The following NXN variants were observed in gnomAD, a reference collection of about 807,000 sequenced individuals.
The protein encoded by NXN is nucleoredoxin 1.
NXN carries 16 observed loss-of-function variants against 48.6 expected under a neutral mutation model. That is an observed-to-expected ratio of 0.33 (90% confidence interval 0.22 to 0.50). The LOEUF (loss-of-function observed/expected upper bound fraction) is 0.50, where lower values mean the gene tolerates loss of function less well. Ranked by LOEUF, NXN falls within the 20% of genes least tolerant of loss-of-function variation. NXN has a pLI of 0.98. For missense variants in NXN, 492 were observed against 605.5 expected, an observed-to-expected ratio of 0.81 and a Z score of 1.97; for synonymous variants, 281 against 269.6, an observed-to-expected ratio of 1.04 and a Z score of -0.41.
In NXN at chr17:919,245, C is replaced by T. The variant is rs1051299790; in HGVS notation, c.360+60074G>A. On this transcript the variant is annotated intron_variant, in intron 1 of 7. Transcript: ENST00000336868. This position sits in a 1 kb window ranked among gnomAD's most constrained non-coding sequence, Gnocchi z 5.1. ...GGGCGTCATGGCGGGCACCTGTAGT[C>T]CCAGTTCCTTGGGAGGCTGAAGCAG... 6.6e-6 allele frequency among the ~76,000 whole-genome samples: 1 copy of T among 151,986 alleles called. No individual in the cohort carries two copies. Among genetic ancestry groups the T allele is most frequent in the African/African-American group, 2.4e-5 (1 of 41,366 alleles).
intron 1 of NXN, among the ~76,000 whole-genome samples, chr17:856,108 G>A (rs958231708): frequency 2.0e-5 from 3 of 151,986 alleles, no homozygotes; most frequent in Non-Finnish European, 4.4e-5. Flanking sequence ...CAGGAGAATC[G>A]CTTGAACCCG....
chr17:944,553 T>C (rs916479283), intron 1 of NXN, among the ~76,000 whole-genome samples: 4 of 152,254 alleles, frequency 2.6e-5, no homozygotes, highest in Non-Finnish European at 5.9e-5. Flanking sequence ...TCTGTTTGTT[T>C]ATTTGTGGCA....
chr17:838,123 CTTCTTT>C (rs1913929297), intron 1 of NXN, among the ~76,000 whole-genome samples: 1 of 125,986 alleles, frequency 7.9e-6, no homozygotes, highest in East Asian at 2.9e-4. Flanking sequence ...TTTTCCTTTC[CTTCTTT>C]TTTTTTTTTT....
At position 979,517 on chromosome 17, in the gene NXN, G is replaced by A. The variant is rs1382144384; in HGVS notation, c.162C>T (p.Ala54=). Residue 54 remains alanine, a synonymous_variant, in exon 1 of 8, where the codon GCC becomes GCT. Coordinates refer to ENST00000336868, the MANE Select transcript of NXN (RefSeq NM_022463.5). ...APCAQLSASL[A]AFYGRLRGDA... is the part of the protein sequence containing the mutation. ...CCCCCCGCAGGCGCCCGTAGAAGGC[G>A]GCCAGGCTGGCGCTGAGCTGCGCGC... 3.2e-6 allele frequency: 4 copies of A among 1,261,374 alleles called. No homozygotes were observed. Among genetic ancestry groups the A allele is most frequent in the Non-Finnish European group, 2.0e-6 (2 of 998,152 alleles). 78.1% of individuals were successfully genotyped at this position (1,261,374 alleles called of 1,614,324 possible).
chr17:922,307 C>T (rs938913751), intron 1 of NXN, among the ~76,000 whole-genome samples: 9 of 151,840 alleles, frequency 5.9e-5, no homozygotes, highest in African/African-American at 1.7e-4. Context: ...GGTGTGGTGG[C>T]GGGCACCTGT....
intron 1 of NXN, among the ~76,000 whole-genome samples, chr17:896,165 C>A (rs7221840): frequency 0.23 from 35,254 of 151,594 alleles, 4,516 homozygotes; most frequent in Middle Eastern, 0.37. Flanking sequence ...ATGGAGAAAC[C>A]CTGTCCCTAC....
intron 5 of NXN, among the ~76,000 whole-genome samples, chr17:818,051 G>C (rs978030076): frequency 1.3e-5 from 2 of 152,112 alleles, no homozygotes; most frequent in Non-Finnish European, 2.9e-5. Flanking sequence ...TTGAGCCCAT[G>C]AGTTCGAGAC....
At chr17:827,852 G>A (rs1431012570) in intron 1 of NXN, among the ~76,000 whole-genome samples, 3 of 152,160 alleles carry the variant, frequency 2.0e-5, no homozygotes, top group Non-Finnish European at 4.4e-5. Flanking sequence ...AGAGGGCATT[G>A]GTGGTGGGAT....
intron 1 of NXN, among the ~76,000 whole-genome samples, chr17:926,621 C>A (rs1435346401): frequency 1.3e-5 from 2 of 151,722 alleles, no homozygotes; most frequent in Non-Finnish European, 2.9e-5. Context: ...TCTCGGCTCA[C>A]CACAGCCTCT....
intron 1 of NXN, among the ~76,000 whole-genome samples, chr17:904,378 A>G (rs1221619148): frequency 1.3e-5 from 2 of 152,176 alleles, no homozygotes; most frequent in East Asian, 3.9e-4. Context: ...AAGGACGCAC[A>G]CGTCGGAAAA....
chr17:828,469 T>G (rs946655648), intron 1 of NXN, among the ~76,000 whole-genome samples: 2 of 148,498 alleles, frequency 1.3e-5, no homozygotes, highest in African/African-American at 5.0e-5. Flanking sequence ...TGGTGTGATC[T>G]AGGCTCACTG....
At chr17:863,436 G>T in intron 1 of NXN, among the ~76,000 whole-genome samples, 1 of 152,096 alleles carries the variant, frequency 6.6e-6, no homozygotes, top group Non-Finnish European at 1.5e-5. Flanking sequence ...CGAAGTGCTG[G>T]GATTACAGGT....
chr17:817,710 C>T (rs1912561065), intron 5 of NXN, among the ~76,000 whole-genome samples: 1 of 151,424 alleles, frequency 6.6e-6, no homozygotes, highest in Admixed American at 6.6e-5. Flanking sequence ...AGATGCCCCT[C>T]AGGCGCAGAA....
chr17:811,813 A>G (rs1912029817), intron 5 of NXN, among the ~76,000 whole-genome samples: 1 of 141,742 alleles, frequency 7.1e-6, no homozygotes, highest in Admixed American at 7.0e-5. Context: ...CCCCCCAGAC[A>G]CCTCAACGCA....
At chr17:855,988 A>T in intron 1 of NXN, among the ~76,000 whole-genome samples, 1 of 152,054 alleles carries the variant, frequency 6.6e-6, no homozygotes, top group Admixed American at 6.6e-5. Flanking sequence ...AGGTCAGGAG[A>T]TCAAGACCAT....
At chr17:937,021 C>T (rs909962098) in intron 1 of NXN, among the ~76,000 whole-genome samples, 1 of 151,740 alleles carries the variant, frequency 6.6e-6, no homozygotes, top group Non-Finnish European at 1.5e-5. Flanking sequence ...CAACCGCATT[C>T]CAGCCTGAGT....
At chr17:878,527 G>A (rs1403725101) in intron 1 of NXN, among the ~76,000 whole-genome samples, 3 of 150,346 alleles carry the variant, frequency 2.0e-5, no homozygotes, top group Admixed American at 6.6e-5. Flanking sequence ...TTGGGGGCAG[G>A]GGAGGGGGTG....
intron 1 of NXN, among the ~76,000 whole-genome samples, chr17:973,098 A>T (rs900705687): frequency 1.3e-5 from 2 of 151,890 alleles, no homozygotes; most frequent in Non-Finnish European, 2.9e-5. Flanking sequence ...TCTGTGCTCT[A>T]GCTCACATTC....
rs532369158 is a variant in NXN at position 898,724 on chromosome 17, C to T, written c.361-72646G>A. ...CAAAAAATACAAAAATTAGCCAGGACGGTAGTGCACACCTATAGTTCCAAG... is the reference window on the plus strand; with the variant it reads ...CAAAAAATACAAAAATTAGCCAGGATGGTAGTGCACACCTATAGTTCCAAG... On this transcript the variant is annotated intron_variant, in intron 1 of 7. Coordinates refer to ENST00000336868, the MANE Select transcript of NXN (RefSeq NM_022463.5). Among the ~76,000 whole-genome samples, 6 of 69,532 alleles carry T rather than the reference C, an allele frequency of 8.6e-5. 2 individuals are homozygous for T. The South Asian group carries it at 2.2e-3, about 25-fold the overall frequency. The allele number at this position is 69,532 out of a possible 152,430, so 45.6% of individuals were successfully genotyped here. A position where few individuals can be genotyped will look rare whatever the true frequency, so the allele number is the denominator to read the frequency against.
Sources: allele counts gnomAD v4.1 joint callset (sites outside exome capture counted in the v4.1 genomes callset), GRCh38; gene constraint gnomAD v4.1.1; non-coding constraint Gnocchi (gnomAD v3.1); transcripts MANE v1.5; gene names NCBI Gene and HGNC (gene_info 2026-07-23, HGNC 2026-07-21).